RAB6A: variants seen among roughly 807,000 people sequenced by gnomAD.
RAB6A encodes RAB6A, member RAS oncogene family.
A neutral mutation model predicts 32.3 loss-of-function variants in RAB6A; 8 were observed. The ratio of observed to expected loss-of-function variants is 0.25; its 90% CI spans 0.15 to 0.45. RAB6A has a LOEUF of 0.45. Ranked by LOEUF, RAB6A falls within the 20% of genes least tolerant of loss-of-function variation. The pLI is 1.00. For missense variants in RAB6A, 104 were observed against 249.4 expected (o/e 0.42, Z 3.93); for synonymous variants, 73 against 82.1 (o/e 0.89, Z 0.60).
In RAB6A at chr11:73,760,723, A is replaced by C; in HGVS notation, c.-88T>G. The stretch of plus-strand genomic sequence containing the variant: ...GCCAGCTGACGAAAAAGGCGAGCGG[A>C]AGGGCGGGCACCGAGCTCTCTCGGC... On this transcript the variant is annotated 5_prime_UTR_variant, in exon 1 of 8. Coordinates refer to ENST00000336083, the MANE Select transcript of RAB6A (RefSeq NM_198896.2). The C allele has an allele frequency of 6.5e-7, 1 of 1,532,100 alleles. No homozygotes were observed. The highest frequency in any genetic ancestry group is 8.8e-7 in the Non-Finnish European group (1 of 1,132,660). 94.9% of individuals were successfully genotyped at this position (1,532,100 alleles called of 1,614,324 possible). A position where few individuals can be genotyped will look rare whatever the true frequency, so the allele number is the denominator to read the frequency against.
chr11:73,712,090 CTT>C (rs1394856498), intron 5 of RAB6A, among the ~76,000 whole-genome samples: 2 of 152,078 alleles, frequency 1.3e-5, no homozygotes, highest in Non-Finnish European at 2.9e-5. Context: ...AGTAATCAAA[CTT>C]TACATTTTCC....
At position 73,710,726 on chromosome 11, in the gene RAB6A, G is replaced by T. The variant is rs554911893; in HGVS notation, c.402-3213C>A. ...CACTCCAGCCTGGGCAACAGAGAGA[G>T]ACTCAGTCTTGAAAAAAAAAAAGTT... On this transcript the variant is annotated intron_variant, in intron 5 of 7. Transcript: ENST00000336083. Among the ~76,000 whole-genome samples the T allele has an allele frequency of 3.4e-3, 510 of 150,974 alleles. 4 individuals are homozygous for T. The highest frequency in any genetic ancestry group is 5.7e-3 in the South Asian group (27 of 4,744).
intron 1 of RAB6A, among the ~76,000 whole-genome samples, chr11:73,741,746 T>C (rs973437923): frequency 1.1e-4 from 17 of 152,174 alleles, no homozygotes; most frequent in African/African-American, 3.9e-4. Flanking sequence ...TGAAAATATC[T>C]TATCTCGAAA....
intron 1 of RAB6A, among the ~76,000 whole-genome samples, chr11:73,741,949 G>A (rs539519969): frequency 6.6e-6 from 1 of 152,160 alleles, no homozygotes; most frequent in East Asian, 1.9e-4. Flanking sequence ...GGGACAAGAA[G>A]GGAATGTGAT....
intron 1 of RAB6A, among the ~76,000 whole-genome samples, chr11:73,757,104 T>TATATATATATATATATAC (rs1946763888): frequency 2.8e-5 from 1 of 35,698 alleles, no homozygotes; most frequent in African/African-American, 1.3e-4. Context: ...CATACATATA[T>TATATATATATATATATAC]ATATATATAT....
At chr11:73,706,145 T>G (rs1201908046) in intron 6 of RAB6A, among the ~76,000 whole-genome samples, 1 of 152,160 alleles carries the variant, frequency 6.6e-6, no homozygotes, top group Non-Finnish European at 1.5e-5. Flanking sequence ...AAAAACAATA[T>G]AAAGACTTCT....
chr11:73,703,823 A>T (rs1437054523), intron 6 of RAB6A, among the ~76,000 whole-genome samples: 1 of 152,180 alleles, frequency 6.6e-6, no homozygotes, highest in South Asian at 2.1e-4. Flanking sequence ...TATACCCAGC[A>T]CTTTGGGAGG....
At position 73,720,269 on chromosome 11, in the gene RAB6A, A is replaced by G. The variant is rs189409061; in HGVS notation, c.183+577T>C. ...AATCTCAGCTCACTGCAACCTCTGC[A>G]TCCTGGATTCAAGCGATTCTCCTGC... On this transcript the variant is annotated intron_variant, in intron 3 of 7. Coordinates refer to ENST00000336083, the MANE Select transcript of RAB6A (RefSeq NM_198896.2). Among the ~76,000 whole-genome samples the G allele has an allele frequency of 4.1e-5, 6 of 146,398 alleles. No homozygotes were observed. In the Admixed American group the frequency reaches 4.2e-4, roughly 10 times the overall value.
At chr11:73,721,930 T>C (rs1056772184) in intron 2 of RAB6A, among the ~76,000 whole-genome samples, 1 of 152,094 alleles carries the variant, frequency 6.6e-6, no homozygotes, top group African/African-American at 2.4e-5. Flanking sequence ...TAGAATTTTG[T>C]GTGTGTCATA....
In RAB6A at chr11:73,710,638, G is replaced by A. The variant is rs546333256; in HGVS notation, c.402-3125C>T. Among the ~76,000 whole-genome samples, 290 of 152,160 alleles carry A rather than the reference G, an allele frequency of 1.9e-3. 1 individual carries two copies. Among genetic ancestry groups the A allele is most frequent in the Non-Finnish European group, 3.7e-3 (253 of 68,012 alleles). Reference sequence around the variant, plus strand: ...TGTAGTCCCAGCTACTCAGGAGGCTGAAGCAGGAGAATCACTTAAACCCAG... The same window carrying A: ...TGTAGTCCCAGCTACTCAGGAGGCTAAAGCAGGAGAATCACTTAAACCCAG... On this transcript the variant is annotated intron_variant, in intron 5 of 7. Coordinates refer to ENST00000336083, the MANE Select transcript of RAB6A (RefSeq NM_198896.2).
At chr11:73,739,183 T>G (rs1455629887) in intron 1 of RAB6A, among the ~76,000 whole-genome samples, 2 of 142,118 alleles carry the variant, frequency 1.4e-5, no homozygotes, top group Non-Finnish European at 3.0e-5. Context: ...AAGTGGAGGC[T>G]GCAGGGAGCC....
chr11:73,734,148 C>T (rs569003083), intron 1 of RAB6A, among the ~76,000 whole-genome samples: 19 of 152,106 alleles, frequency 1.2e-4, no homozygotes, highest in South Asian at 6.2e-4. Flanking sequence ...GTTTTTGAGA[C>T]GGGGTCTCAC....
rs564032925 is a variant in RAB6A, at chr11:73,742,982, A to C, written c.71-12159T>G. ...AATCCACTGAAGAAAACAAATATGC[A>C]CACATACAAGAGAGTGAACAAGATA... is the stretch of plus-strand genomic sequence containing the variant. On this transcript the variant is annotated intron_variant, in intron 1 of 7. Coordinates refer to ENST00000336083, the MANE Select transcript of RAB6A (RefSeq NM_198896.2). Among the ~76,000 whole-genome samples, 17 of 152,198 alleles carry C rather than the reference A, an allele frequency of 1.1e-4. No homozygotes were observed. In the South Asian group the frequency reaches 3.5e-3, roughly 32 times the overall value.
chr11:73,708,096 C>T (rs886188278), intron 5 of RAB6A, among the ~76,000 whole-genome samples: 2 of 152,192 alleles, frequency 1.3e-5, no homozygotes, highest in Non-Finnish European at 2.9e-5. Flanking sequence ...TTTTACACTA[C>T]TATGAAAATT....
chr11:73,698,421 G>A (rs2134899389), intron 6 of RAB6A, among the ~76,000 whole-genome samples: 1 of 152,232 alleles, frequency 6.6e-6, no homozygotes. Flanking sequence ...TAAAACTTTG[G>A]TTTCATATCA....
At chr11:73,733,376 TC>T (rs1166596822) in intron 1 of RAB6A, among the ~76,000 whole-genome samples, 11 of 151,920 alleles carry the variant, frequency 7.2e-5, no homozygotes, top group African/African-American at 2.7e-4. Context: ...TGGCAAAACC[TC>T]ATTTCTACTA....
intron 4 of RAB6A, 120 bp from the exon 5 acceptor site, chr11:73,716,482 C>G (rs1946055299): frequency 1.7e-6 from 1 of 601,550 alleles, no homozygotes; most frequent in Non-Finnish European, 3.0e-6. Context: ...TAGTACCCCA[C>G]TTTTAATGTG....
At chr11:73,686,524 C>T (rs1945459163) in intron 6 of RAB6A, among the ~76,000 whole-genome samples, 1 of 152,106 alleles carries the variant, frequency 6.6e-6, no homozygotes, top group Non-Finnish European at 1.5e-5. Context: ...CACTGCACTC[C>T]AGCCTAGATG....
chr11:73,729,724 C>G (rs1473021165), intron 2 of RAB6A: 1 of 152,226 alleles, frequency 6.6e-6, no homozygotes, highest in African/African-American at 2.4e-5. Flanking sequence ...AGTAAACTCA[C>G]CTTTGAGTAC....
Sources: gnomAD v4.1 joint callset for allele counts (sites outside exome capture counted in the v4.1 genomes callset) on GRCh38, gnomAD v4.1.1 for gene constraint, MANE v1.5 for transcripts, NCBI Gene and HGNC (gene_info 2026-07-23, HGNC 2026-07-21) for gene names.